Variants in GC observed in about 807,000 individuals in gnomAD.
The protein encoded by GC is vitamin D-binding protein.
In GC, 43 loss-of-function variants were observed where a neutral mutation model predicts 56.7. The ratio of observed to expected loss-of-function variants is 0.76; its 90% confidence interval spans 0.59 to 0.98. The LOEUF is 0.98. Among genes scored for constraint, GC ranks in the 50% least tolerant of loss-of-function variants. GC has a pLI of 0.00. For synonymous variants in GC, 216 were observed against 202.7 expected, an observed-to-expected ratio of 1.07 and a Z score of -0.56; for missense variants, 529 against 545.9, an observed-to-expected ratio of 0.97 and a Z score of 0.31.
At chr4:71,774,637 T>C (rs1414105235) in intron 1 of GC, among the ~76,000 whole-genome samples, 1 of 151,972 alleles carries the variant, frequency 6.6e-6, no homozygotes, top group Non-Finnish European at 1.5e-5. Context: ...AATAATATCA[T>C]GATAACAATT....
At chr4:71,786,569 C>T (rs145983559), upstream of GC, among the ~76,000 whole-genome samples, 308 of 151,934 alleles carry the variant, frequency 2.0e-3, 1 homozygote, top group African/African-American at 7.2e-3. Context: ...TTGAAGTAGC[C>T]TCTTTCCCTC....
Position 71,768,439 on chromosome 4 carries a change from G to C in GC, c.129-6C>G. 1 of 1,598,848 alleles carries C rather than the reference G, an allele frequency of 6.3e-7. No homozygotes were observed. Among genetic ancestry groups the C allele is most frequent in the Non-Finnish European group, 8.5e-7 (1 of 1,173,590 alleles). ...TACTGTACAGGACTAGTGACCTGAG[G>C]GGAAAATAAGACAATATATCAATTA... On this transcript the variant is annotated splice_region_variant and splice_polypyrimidine_tract_variant and intron_variant, in intron 2 of 12. Transcript: ENST00000273951.
chr4:71,759,647 GTT>G (rs1228988958), intron 6 of GC: 2 of 152,148 alleles, frequency 1.3e-5, no homozygotes, highest in African/African-American at 4.8e-5. Flanking sequence ...GGTTAGTGAC[GTT>G]GAGCATCTTT....
chr4:71,761,782 C>G (rs1035513658), intron 6 of GC, among the ~76,000 whole-genome samples: 5 of 152,206 alleles, frequency 3.3e-5, no homozygotes, highest in Non-Finnish European at 7.3e-5. Flanking sequence ...CAAGCCTTGA[C>G]AGCTTTCATG....
chr4:71,756,584 G>A (rs1741777925), intron 8 of GC, 128 bp downstream of exon 8: 5 of 641,120 alleles, frequency 7.8e-6, no homozygotes, highest in South Asian at 5.7e-5. Context: ...TCCATGAAAA[G>A]CATAAAGGTA....
At position 71,754,487 on chromosome 4, in the gene GC, G is replaced by C; in HGVS notation, c.1186C>G (p.Leu396Val). ...TGTCCCTTGTCAATGAAAGAAGATA[G>C]TTCCTTCTTTAGTAGAGGGCCCTGT... ...NAKGPLLKKE[L>V]SSFIDKGQEL... The change falls in exon 10 of 13, where the codon CTA becomes GTA. Residue 396 changes from leucine to valine, a missense_variant. Transcript: ENST00000273951. The C allele has an allele frequency of 6.4e-7, 1 of 1,569,046 alleles. No individual in the cohort carries two copies. The highest frequency in any genetic ancestry group is 8.8e-7 in the Non-Finnish European group (1 of 1,140,224).
At chr4:71,785,622 A>ACAGGCCTTACAGGAGATAGCT (rs1742814061), upstream of GC, among the ~76,000 whole-genome samples, 2 of 151,892 alleles carry the variant, frequency 1.3e-5, no homozygotes, top group African/African-American at 4.8e-5. Flanking sequence ...GGAAATCCAT[A>ACAGGCCTTACAGGAGATAGCT]TGGTCAAGGA....
intron 1 of GC, among the ~76,000 whole-genome samples, chr4:71,771,005 T>C (rs748428226): frequency 2.6e-5 from 4 of 152,174 alleles, no homozygotes; most frequent in Admixed American, 6.6e-5. Flanking sequence ...TCTCCTAACC[T>C]GACTCATCAT....
chr4:71,777,060 A>C (rs1372055324), intron 1 of GC, among the ~76,000 whole-genome samples: 1 of 151,874 alleles, frequency 6.6e-6, no homozygotes, highest in Non-Finnish European at 1.5e-5. Flanking sequence ...AAAGATTAGT[A>C]ATTTATCTTT....
In GC at chr4:71,754,488, T is replaced by A; in HGVS notation, c.1185A>T (p.Glu395Asp). Residue 395 changes from glutamate (E) to aspartate (D), a missense_variant, in exon 10 of 13, where the codon GAA (glutamate) becomes GAT (aspartate). By Grantham distance (45) the Glu-to-Asp change is conservative. Coordinates refer to ENST00000273951, the MANE Select transcript of GC (RefSeq NM_000583.4). ...GTCCCTTGTCAATGAAAGAAGATAG[T>A]TCCTTCTTTAGTAGAGGGCCCTGTA... ...FNAKGPLLKK[E>D]LSSFIDKGQE... is the part of the protein sequence containing the mutation. The A allele has an allele frequency of 6.4e-7, 1 of 1,573,766 alleles. No homozygotes were observed. The highest frequency in any genetic ancestry group is 8.7e-7 in the Non-Finnish European group (1 of 1,144,568).
intron 12 of GC, among the ~76,000 whole-genome samples, chr4:71,744,788 T>G (rs1490601115): frequency 6.6e-6 from 1 of 152,144 alleles, no homozygotes; most frequent in Non-Finnish European, 1.5e-5. Flanking sequence ...TGGAGATTAT[T>G]ATATGGGGAT....
At chr4:71,793,995 A>C (rs1413809121) in intron 1 of GC, among the ~76,000 whole-genome samples, 7 of 152,226 alleles carry the variant, frequency 4.6e-5, no homozygotes, top group African/African-American at 1.4e-4. Context: ...CTTGCATCCC[A>C]GGGATGAAGC....
At chr4:71,793,687 A>C (rs935997429) in intron 1 of GC, among the ~76,000 whole-genome samples, 8 of 152,174 alleles carry the variant, frequency 5.3e-5, no homozygotes, top group African/African-American at 1.9e-4. Context: ...AACTTCCAAC[A>C]CTATGCTGAA....
At position 71,756,809 on chromosome 4, in the gene GC, A is replaced by G. The variant is rs770840103; in HGVS notation, c.937T>C (p.Tyr313His). 6.2e-7 allele frequency: 1 copy of G among 1,613,222 alleles called. No homozygotes were observed. Among genetic ancestry groups the G allele is most frequent in the Non-Finnish European group, 8.5e-7 (1 of 1,179,236 alleles). Residue 313 changes from tyrosine to histidine, a missense_variant, in exon 8 of 13, where the codon TAC becomes CAC. Transcript: ENST00000273951. ...GGGAGTTGGGCAGCTGGCATGAAGT[A>G]AGTGCACACAAAAACGTCCATGGCT... ...KTAMDVFVCT[Y>H]FMPAAQLPEL...
intron 2 of GC, among the ~76,000 whole-genome samples, chr4:71,768,797 T>G (rs1742256409): frequency 6.6e-6 from 1 of 152,208 alleles, no homozygotes; most frequent in Non-Finnish European, 1.5e-5. Flanking sequence ...TTTTGGCACA[T>G]TAAAATATGA....
intron 12 of GC, among the ~76,000 whole-genome samples, chr4:71,743,544 G>C (rs1388640792): frequency 2.0e-5 from 3 of 152,136 alleles, no homozygotes; most frequent in African/African-American, 7.2e-5. Context: ...GGGCAATGCT[G>C]CTGATAGTTG....
At chr4:71,778,344 G>A (rs377233592) in intron 1 of GC, among the ~76,000 whole-genome samples, 186 of 151,818 alleles carry the variant, frequency 1.2e-3, no homozygotes, top group African/African-American at 4.2e-3. Context: ...TTTTCTTTAG[G>A]TAGTGTTAAA....
At chr4:71,753,319 G>A (rs879772545) in intron 10 of GC, among the ~76,000 whole-genome samples, 1 of 152,088 alleles carries the variant, frequency 6.6e-6, no homozygotes, top group Non-Finnish European at 1.5e-5. Context: ...GGGGCAATGG[G>A]AGGTAAGGAG....
upstream of GC, among the ~76,000 whole-genome samples, chr4:71,787,608 T>G (rs903636503): frequency 6.6e-6 from 1 of 151,722 alleles, no homozygotes; most frequent in African/African-American, 2.4e-5. Context: ...TGTGCTGAGT[T>G]GTGAGGGTGC....
Sources: allele counts gnomAD v4.1 joint callset (sites outside exome capture counted in the v4.1 genomes callset), GRCh38; gene constraint gnomAD v4.1.1; transcripts MANE v1.5; gene names NCBI Gene and HGNC (gene_info 2026-07-23, HGNC 2026-07-21).